KHDRBS2: variants seen among roughly 807,000 people sequenced by gnomAD.
The protein encoded by KHDRBS2 is KH domain-containing, RNA-binding, signal transduction-associated protein 2.
In KHDRBS2, 26 loss-of-function variants were observed where a neutral mutation model predicts 44.3. That is an observed-to-expected ratio of 0.59 (90% CI 0.43 to 0.81). The LOEUF is 0.81. KHDRBS2 is among the 40% of genes least tolerant of loss of function. KHDRBS2 has a pLI of 0.00. For missense variants in KHDRBS2, 476 were observed against 433.1 expected (o/e 1.10, Z -0.88); for synonymous variants, 194 against 151.1 (o/e 1.28, Z -2.08).
intron 2 of KHDRBS2, among the ~76,000 whole-genome samples, chr6:62,106,508 G>A (rs961829165): frequency 5.9e-5 from 9 of 152,078 alleles, no homozygotes; most frequent in Admixed American, 2.0e-4. Flanking sequence ...TATTCTTGGT[G>A]AATTGATCCC....
At chr6:61,610,156 G>A in the KHDRBS2 span, among the ~76,000 whole-genome samples, 1 of 151,496 alleles carries the variant, frequency 6.6e-6, no homozygotes, top group Non-Finnish European at 1.5e-5. Flanking sequence ...AGCCTGGGTG[G>A]CAGAACGAGA....
chr6:62,117,104 T>G (rs1325303697), intron 2 of KHDRBS2, among the ~76,000 whole-genome samples: 1 of 152,180 alleles, frequency 6.6e-6, no homozygotes, highest in African/African-American at 2.4e-5. Context: ...TTCTTTTAGA[T>G]ATATACTCAG....
chr6:61,811,661 C>A (rs1207666783), intron 6 of KHDRBS2, among the ~76,000 whole-genome samples: 2 of 152,100 alleles, frequency 1.3e-5, no homozygotes, highest in Non-Finnish European at 2.9e-5. Flanking sequence ...AGTGAACCAA[C>A]ATGTTTCTTG....
At chr6:61,564,894 A>T in the KHDRBS2 span, among the ~76,000 whole-genome samples, 2 of 152,010 alleles carry the variant, frequency 1.3e-5, no homozygotes, top group African/African-American at 4.8e-5. Flanking sequence ...TTCAAATTAT[A>T]CTACAGAGTT....
Position 62,096,002 on chromosome 6 carries a change from G to A in KHDRBS2, c.220-48008C>T, listed in dbSNP as rs114088080. Among the ~76,000 whole-genome samples the A allele has an allele frequency of 5.2e-3, 794 of 151,662 alleles. 9 individuals carry two copies. The highest frequency in any genetic ancestry group is 0.017 in the Middle Eastern group (5 of 294). ...CATATAATTTATGTTCTTCATTCTC[G>A]TCATGTGCTGTATCACATTTATTGA... On this transcript the variant is annotated intron_variant, in intron 2 of 8. Transcript: ENST00000281156.
At chr6:62,199,784 C>T (rs1435123487) in intron 1 of KHDRBS2, among the ~76,000 whole-genome samples, 2 of 152,218 alleles carry the variant, frequency 1.3e-5, no homozygotes, top group South Asian at 2.1e-4. Flanking sequence ...CAAGTCAATC[C>T]TAAGCCAAAA....
the KHDRBS2 span, among the ~76,000 whole-genome samples, chr6:61,650,620 T>TAA: frequency 2.7e-5 from 4 of 149,438 alleles, no homozygotes; most frequent in Admixed American, 6.7e-5. Context: ...TTTTTTTTTT[T>TAA]AATTAGGCCA....
the KHDRBS2 span, among the ~76,000 whole-genome samples, chr6:61,674,526 A>G: frequency 6.6e-6 from 1 of 151,912 alleles, no homozygotes; most frequent in South Asian, 2.1e-4. Flanking sequence ...TGCTTCAAGT[A>G]AGTTTTTATG....
intron 6 of KHDRBS2, among the ~76,000 whole-genome samples, chr6:61,769,533 G>C (rs1017281056): frequency 1.3e-5 from 2 of 152,214 alleles, no homozygotes; most frequent in African/African-American, 2.4e-5. Flanking sequence ...ATGGCTCAGA[G>C]GGTCCTACTG....
intron 6 of KHDRBS2, among the ~76,000 whole-genome samples, chr6:61,885,047 A>G (rs1800746948): frequency 6.6e-6 from 1 of 152,154 alleles, no homozygotes; most frequent in Admixed American, 6.6e-5. Context: ...AAACAACTGT[A>G]AATTTTCTAA....
At chr6:61,766,524 T>A (rs1278875781) in intron 6 of KHDRBS2, among the ~76,000 whole-genome samples, 1 of 152,124 alleles carries the variant, frequency 6.6e-6, no homozygotes, top group Non-Finnish European at 1.5e-5. Flanking sequence ...TTGCTCTTAC[T>A]TTTTTAGTTC....
intron 2 of KHDRBS2, among the ~76,000 whole-genome samples, chr6:62,170,931 G>C (rs1232991383): frequency 1.4e-5 from 2 of 147,814 alleles, no homozygotes; most frequent in Non-Finnish European, 3.0e-5. Context: ...AAAATGCCAA[G>C]GGCATCAAAG....
At chr6:61,603,416 G>A in the KHDRBS2 span, among the ~76,000 whole-genome samples, 2 of 152,042 alleles carry the variant, frequency 1.3e-5, no homozygotes, top group African/African-American at 2.4e-5. Context: ...CACTTGGACT[G>A]ACCCTGACAC....
chr6:61,587,568 A>G, the KHDRBS2 span, among the ~76,000 whole-genome samples: 1 of 152,128 alleles, frequency 6.6e-6, no homozygotes, highest in Admixed American at 6.6e-5. Flanking sequence ...GTTGGCATGG[A>G]TGTCCCAGTC....
chr6:61,684,042 T>C (rs1003121354), intron 8 of KHDRBS2, among the ~76,000 whole-genome samples: 2 of 151,920 alleles, frequency 1.3e-5, no homozygotes, highest in Non-Finnish European at 2.9e-5. Context: ...TCAGGAAAAG[T>C]ATTATTTTTA....
At chr6:62,167,686 A>G (rs1562988446) in intron 2 of KHDRBS2, among the ~76,000 whole-genome samples, 1 of 152,318 alleles carries the variant, frequency 6.6e-6, no homozygotes, top group East Asian at 1.9e-4. Flanking sequence ...TCTTCCATTT[A>G]CTTTAGAAAA....
intron 6 of KHDRBS2, among the ~76,000 whole-genome samples, chr6:61,835,204 T>A (rs1157516194): frequency 1.3e-5 from 2 of 152,082 alleles, no homozygotes; most frequent in South Asian, 4.1e-4. Flanking sequence ...TTTTAACTAA[T>A]GCAGATGGAG....
Position 61,887,884 on chromosome 6 carries a change from C to A in KHDRBS2, c.810+6751G>T, listed in dbSNP as rs969849742. ...AGAGTAGCAGCTCTTGAGTGCTAAT[C>A]TGGGTTGGGCACTAAGGATTTCAAA... On this transcript the variant is annotated intron_variant, in intron 6 of 8. Coordinates refer to ENST00000281156, the MANE Select transcript of KHDRBS2 (RefSeq NM_152688.4). Among the ~76,000 whole-genome samples, 11 of 152,242 alleles carry A rather than the reference C, an allele frequency of 7.2e-5. No individual in the cohort carries two copies. The South Asian group carries it at 1.0e-3, about 14-fold the overall frequency.
At chr6:62,061,329 G>T (rs1172038470) in intron 2 of KHDRBS2, among the ~76,000 whole-genome samples, 1 of 151,738 alleles carries the variant, frequency 6.6e-6, no homozygotes, top group Non-Finnish European at 1.5e-5. Context: ...TCCTTTCCAT[G>T]TTCAGCGCTT....
Sources: allele counts gnomAD v4.1 joint callset (sites outside exome capture counted in the v4.1 genomes callset), GRCh38; gene constraint gnomAD v4.1.1; transcripts MANE v1.5; gene names NCBI Gene and HGNC (gene_info 2026-07-23, HGNC 2026-07-21).